FBXL13: variants seen among roughly 807,000 people sequenced by gnomAD.
The protein encoded by FBXL13 is F-box and leucine-rich repeat protein 13.
FBXL13 carries 67 observed loss-of-function variants against 83.6 expected under a neutral mutation model. The observed-to-expected ratio is 0.80, with a 90% CI of 0.66 to 0.98. FBXL13 has a LOEUF of 0.98. Among genes scored for constraint, FBXL13 ranks in the 50% least tolerant of loss-of-function variants. FBXL13 has a pLI of 0.00. For synonymous variants in FBXL13, 272 were observed against 299.5 expected (o/e 0.91, Z 0.95); for missense variants, 822 against 866.5 (o/e 0.95, Z 0.64).
intron 1 of FBXL13, among the ~76,000 whole-genome samples, chr7:103,066,822 G>A (rs923453005): frequency 2.1e-5 from 3 of 141,054 alleles, no homozygotes; most frequent in Admixed American, 7.3e-5. Context: ...ATGGAGTTTC[G>A]CTCTCATTGC....
At chr7:102,897,816 T>C (rs991943688) in intron 11 of FBXL13, among the ~76,000 whole-genome samples, 1 of 152,148 alleles carries the variant, frequency 6.6e-6, no homozygotes, top group Non-Finnish European at 1.5e-5. Flanking sequence ...AAAAGGAGAA[T>C]TGAGTGAAAC....
intron 18 of FBXL13, among the ~76,000 whole-genome samples, chr7:102,825,636 AT>A (rs1159815332): frequency 7.2e-5 from 11 of 152,218 alleles, no homozygotes; most frequent in African/African-American, 2.4e-4. Flanking sequence ...TCACAAAAGG[AT>A]TATACCCATC....
chr7:102,942,232 G>T, intron 8 of FBXL13: 1 of 1,361,952 alleles, frequency 7.3e-7, no homozygotes, highest in Non-Finnish European at 1.0e-6. Context: ...AAGTATCTTG[G>T]CAGTTAAGGC....
At chr7:102,955,142 G>C (rs1458490566) in intron 8 of FBXL13, among the ~76,000 whole-genome samples, 1 of 152,158 alleles carries the variant, frequency 6.6e-6, no homozygotes, top group African/African-American at 2.4e-5. Context: ...ATAATTGGAA[G>C]TAAAGCACTC....
At chr7:102,934,432 G>A (rs1297244360) in intron 8 of FBXL13, 21 of 1,614,162 alleles carry the variant, frequency 1.3e-5, no homozygotes, top group East Asian at 2.2e-5. Context: ...AGATAGAAAC[G>A]CTTATTTCAA....
intron 11 of FBXL13, among the ~76,000 whole-genome samples, chr7:102,890,049 G>A (rs979325861): frequency 8.5e-5 from 13 of 152,056 alleles, no homozygotes; most frequent in Non-Finnish European, 1.9e-4. Flanking sequence ...CTTTGTCCTG[G>A]CATGAAGTAC....
intron 16 of FBXL13, among the ~76,000 whole-genome samples, chr7:102,861,359 A>C (rs1423002563): frequency 6.6e-6 from 1 of 152,030 alleles, no homozygotes; most frequent in East Asian, 1.9e-4. Flanking sequence ...TATTATGCAG[A>C]ATGTCTCACA....
At chr7:103,049,870 G>A (rs1002796923) in intron 2 of FBXL13, among the ~76,000 whole-genome samples, 1 of 152,108 alleles carries the variant, frequency 6.6e-6, no homozygotes, top group Non-Finnish European at 1.5e-5. Context: ...TTGGTGGAGG[G>A]GAAGAGAATC....
chr7:102,912,676 C>G (rs1018920977), intron 11 of FBXL13, among the ~76,000 whole-genome samples: 2 of 134,564 alleles, frequency 1.5e-5, no homozygotes, highest in East Asian at 2.4e-4. Context: ...ATTTTACCCC[C>G]CCCCCCCCAA....
chr7:102,947,925 T>A (rs965002179), intron 8 of FBXL13, among the ~76,000 whole-genome samples: 59 of 152,198 alleles, frequency 3.9e-4, no homozygotes, highest in African/African-American at 1.4e-3. Flanking sequence ...ATATTTAATG[T>A]TAAGCAGCAC....
intron 8 of FBXL13, among the ~76,000 whole-genome samples, chr7:102,938,751 T>G (rs191347829): frequency 2.6e-5 from 4 of 152,238 alleles, no homozygotes; most frequent in African/African-American, 9.6e-5. Context: ...TCATTGAAGT[T>G]CTAAGGTAAA....
At chr7:102,832,090 C>A (rs144814987) in intron 18 of FBXL13, among the ~76,000 whole-genome samples, 1,774 of 152,180 alleles carry the variant, frequency 0.012, 15 homozygotes, top group Non-Finnish European at 0.018. Context: ...GAATAAAATA[C>A]CAGCGATGGT....
intron 7 of FBXL13, 79 bp from the exon 9 acceptor site, chr7:102,963,744 T>C (rs1256437859): frequency 7.2e-7 from 1 of 1,384,744 alleles, no homozygotes; most frequent in South Asian, 1.4e-5. Flanking sequence ...AATAGACAAA[T>C]GTGACCTAAT....
chr7:102,967,989 T>C (rs912257133), intron 7 of FBXL13, 33 bp downstream of exon 8: 1 of 1,498,048 alleles, frequency 6.7e-7, no homozygotes, highest in Non-Finnish European at 9.3e-7. Context: ...TAAGAACTAG[T>C]GTAAAGACAT....
At chr7:103,035,652 T>TA (rs1161851527) in intron 2 of FBXL13, among the ~76,000 whole-genome samples, 2 of 152,158 alleles carry the variant, frequency 1.3e-5, no homozygotes, top group African/African-American at 2.4e-5. Flanking sequence ...ATAAAATACT[T>TA]AAAGTATCTA....
chr7:103,059,478 C>G (rs1797650101), intron 1 of FBXL13, among the ~76,000 whole-genome samples: 1 of 152,064 alleles, frequency 6.6e-6, no homozygotes, highest in Non-Finnish European at 1.5e-5. Context: ...TTATTGTAAG[C>G]AGAAGCAAAA....
intron 16 of FBXL13, among the ~76,000 whole-genome samples, chr7:102,861,290 CT>C (rs1002855319): frequency 6.6e-6 from 1 of 151,940 alleles, no homozygotes; most frequent in Non-Finnish European, 1.5e-5. Context: ...TCTTTTTAGT[CT>C]TTTTTTCTTT....
At chr7:102,912,679 C>CG (rs983952192) in intron 11 of FBXL13, among the ~76,000 whole-genome samples, 1 of 138,568 alleles carries the variant, frequency 7.2e-6, no homozygotes, top group Non-Finnish European at 1.6e-5. Context: ...TTACCCCCCC[C>CG]CCCCCAAAAA....
At chr7:102,973,718 C>G in intron 6 of FBXL13, 1 of 766,378 alleles carries the variant, frequency 1.3e-6, no homozygotes, top group South Asian at 1.3e-5. Context: ...GGAAGCTCCT[C>G]AGCCTCCAGT....
Sources: allele counts gnomAD v4.1 joint callset (sites outside exome capture counted in the v4.1 genomes callset), GRCh38; gene constraint gnomAD v4.1.1; transcripts MANE v1.5; gene names NCBI Gene and HGNC (gene_info 2026-07-23, HGNC 2026-07-21).